SERPINI2: variants seen among roughly 807,000 people sequenced by gnomAD.
SERPINI2 encodes the protein serpin I2.
SERPINI2 carries 48 observed loss-of-function variants against 47.3 expected under a neutral mutation model. That is an observed-to-expected ratio of 1.02 (90% confidence interval 0.81 to 1.29). The LOEUF is 1.29. SERPINI2 is among the 50% of genes most tolerant of loss of function. The pLI is 0.00. For missense variants in SERPINI2, 448 were observed against 456.9 expected, an observed-to-expected ratio of 0.98 and a Z score of 0.18; for synonymous variants, 135 against 149.3, an observed-to-expected ratio of 0.90 and a Z score of 0.70.
chr3:167,471,432 A>C lies in SERPINI2; in HGVS notation c.247+156T>G, dbSNP rs1482396081. Among the ~76,000 whole-genome samples, 3 of 152,196 alleles carry C rather than the reference A, an allele frequency of 2.0e-5. No homozygotes were observed. The East Asian group carries it at 5.8e-4, about 29-fold the overall frequency. ...TTTTAAAGGAATTAATTATAAATGAATGAAAATTACATTTACAATTCTCCA... is the reference window on the plus strand; with the variant it reads ...TTTTAAAGGAATTAATTATAAATGACTGAAAATTACATTTACAATTCTCCA... On this transcript the variant is annotated intron_variant, in intron 2 of 8. Transcript: ENST00000264677.
In SERPINI2 at chr3:167,444,119, TAA is replaced by T. The variant is rs1168660393; in HGVS notation, c.1142-1936_1142-1935del. 2.0e-5 allele frequency among the ~76,000 whole-genome samples: 3 copies of T among 152,300 alleles called. No homozygotes were observed. In the East Asian group the frequency reaches 5.8e-4, roughly 29 times the overall value. ...CTCAACACACAACCCAAAAGAGTTC[TAA>T]ACACAATAACTTTCATTATGTCTGG... On this transcript the variant is annotated intron_variant, in intron 8 of 8. Transcript: ENST00000264677.
At chr3:167,467,525 C>CA (rs1750174536) in intron 2 of SERPINI2, among the ~76,000 whole-genome samples, 1 of 151,526 alleles carries the variant, frequency 6.6e-6, no homozygotes, top group Non-Finnish European at 1.5e-5. Context: ...TGAAATTTGT[C>CA]AAAAAAAAGA....
rs536485838 is a variant in SERPINI2, at chr3:167,471,871, C to A, written c.-10-27G>T. ...TGTATTGTTTAAATCAAAATATATT[C>A]ATTTTCAAAATAGAGTTTTCCACAG... is the stretch of plus-strand genomic sequence containing the variant. On this transcript the variant is annotated intron_variant, in intron 1 of 8. Transcript: ENST00000264677. 89 of 1,554,830 alleles carry A rather than the reference C, an allele frequency of 5.7e-5. No homozygotes were observed. The East Asian group carries it at 1.9e-3, about 33-fold the overall frequency.
At chr3:167,464,346 G>A (rs1750073595) in intron 5 of SERPINI2, among the ~76,000 whole-genome samples, 1 of 152,040 alleles carries the variant, frequency 6.6e-6, no homozygotes, top group Non-Finnish European at 1.5e-5. Context: ...TCAGAATTGA[G>A]GATAGTTGAG....
At chr3:167,444,560 T>G (rs1407600662) in intron 8 of SERPINI2, among the ~76,000 whole-genome samples, 1 of 152,200 alleles carries the variant, frequency 6.6e-6, no homozygotes, top group Non-Finnish European at 1.5e-5. Context: ...CAATGATTTC[T>G]TGAGTTCATT....
intron 8 of SERPINI2, 65 bp downstream of exon 8, chr3:167,446,327 T>A: frequency 3.7e-6 from 4 of 1,069,796 alleles, no homozygotes; most frequent in Non-Finnish European, 5.6e-6. Flanking sequence ...TACATTGCAA[T>A]TAGAAACTGG....
chr3:167,451,861 T>C (rs1251715173), intron 6 of SERPINI2, among the ~76,000 whole-genome samples: 2 of 152,198 alleles, frequency 1.3e-5, no homozygotes, highest in African/African-American at 4.8e-5. Flanking sequence ...TGGTTGTGTC[T>C]CAGGGCACAC....
intron 5 of SERPINI2, among the ~76,000 whole-genome samples, chr3:167,455,648 T>A (rs1214068433): frequency 1.3e-5 from 2 of 149,942 alleles, no homozygotes; most frequent in Non-Finnish European, 3.0e-5. Context: ...TACCTGAGAC[T>A]GGGTAATTTA....
At chr3:167,453,705 T>C (rs77337700) in intron 5 of SERPINI2, among the ~76,000 whole-genome samples, 7,854 of 150,032 alleles carry the variant, frequency 0.052, 661 homozygotes, top group African/African-American at 0.18. Context: ...CTTCCAACAC[T>C]GAGCCGTAAG....
At chr3:167,461,503 T>G (rs1207986358) in intron 5 of SERPINI2, among the ~76,000 whole-genome samples, 1 of 152,204 alleles carries the variant, frequency 6.6e-6, no homozygotes, top group African/African-American at 2.4e-5. Flanking sequence ...CTTTTTCATT[T>G]TGCAAGTAGA....
chr3:167,446,046 C>A (rs1041968036), intron 8 of SERPINI2, among the ~76,000 whole-genome samples: 1 of 152,178 alleles, frequency 6.6e-6, no homozygotes, highest in Non-Finnish European at 1.5e-5. Flanking sequence ...CCTTTATTCC[C>A]ACTCTGACAC....
intron 5 of SERPINI2, among the ~76,000 whole-genome samples, chr3:167,464,936 C>T (rs1750092407): frequency 6.6e-6 from 1 of 152,068 alleles, no homozygotes; most frequent in African/African-American, 2.4e-5. Context: ...ACAATAATTC[C>T]TTCTAATCCC....
At chr3:167,469,661 A>C (rs558020569) in intron 2 of SERPINI2, 1 of 152,206 alleles carries the variant, frequency 6.6e-6, no homozygotes, top group African/African-American at 2.4e-5. Context: ...AGGGAGTATT[A>C]ACAGATGTTC....
chr3:167,476,424 A>G (rs1750479836), upstream of SERPINI2, among the ~76,000 whole-genome samples: 1 of 151,156 alleles, frequency 6.6e-6, no homozygotes, highest in Admixed American at 6.6e-5. Context: ...CTCATTGAAT[A>G]TATTTATGAG....
chr3:167,442,094 G>A, exon 9 of SERPINI2: 1 of 1,570,308 alleles, frequency 6.4e-7, no homozygotes, highest in Non-Finnish European at 8.6e-7. Flanking sequence ...TTTATTCTGA[G>A]GCTGTGCTTT....
chr3:167,447,111 A>T (rs1202806812), intron 7 of SERPINI2: 2 of 152,174 alleles, frequency 1.3e-5, no homozygotes, highest in Non-Finnish European at 2.9e-5. Context: ...AAAAAGTTAG[A>T]TATTTTTCCT....
Position 167,449,422 on chromosome 3 carries a change from C to A in SERPINI2, c.965-20G>T, listed in dbSNP as rs759571327. 2.9e-5 allele frequency: 43 copies of A among 1,498,252 alleles called. No homozygotes were observed. Among genetic ancestry groups the A allele is most frequent in the Non-Finnish European group, 4.0e-5 (43 of 1,081,332 alleles). The allele number at this position is 1,498,252 out of a possible 1,614,324, so 92.8% of individuals were successfully genotyped here. ...ATGAATCTGGTTAAAAAAAAATACA[C>A]AAAAGTGTATTTAAGAGTTAAAATC... On this transcript the variant is annotated intron_variant, in intron 6 of 8. Transcript: ENST00000264677.
upstream of SERPINI2, among the ~76,000 whole-genome samples, chr3:167,476,600 GGTAAACA>G (rs1355241874): frequency 2.6e-5 from 4 of 151,862 alleles, no homozygotes; most frequent in African/African-American, 9.7e-5. Flanking sequence ...TATCTTCAAG[GGTAAACA>G]GTAAAGTATA....
At chr3:167,475,072 A>C (rs1371708906), upstream of SERPINI2, among the ~76,000 whole-genome samples, 3 of 151,748 alleles carry the variant, frequency 2.0e-5, no homozygotes, top group Non-Finnish European at 4.4e-5. Context: ...AGAATAGATC[A>C]TTATAGGCCA....
Sources: allele counts gnomAD v4.1 joint callset (sites outside exome capture counted in the v4.1 genomes callset), GRCh38; gene constraint gnomAD v4.1.1; transcripts MANE v1.5; gene names NCBI Gene and HGNC (gene_info 2026-07-23, HGNC 2026-07-21).